The following AGO2 variants were observed in gnomAD, a reference collection of about 807,000 sequenced individuals.
AGO2 encodes protein argonaute-2.
Under a neutral mutation model 102.3 loss-of-function variants are expected in AGO2, and 5 were observed. That is an observed-to-expected ratio of 0.05 (90% CI 0.03 to 0.10). AGO2 has a LOEUF of 0.10. AGO2 is among the 10% of genes least tolerant of loss of function. The probability of loss-of-function intolerance (pLI) is 1.00; values close to 1 mark genes in which losing one functional copy is unlikely to be tolerated. For synonymous variants in AGO2, 449 were observed against 473.1 expected, an observed-to-expected ratio of 0.95 and a Z score of 0.66; for missense variants, 541 against 1,183.7, an observed-to-expected ratio of 0.46 and a Z score of 7.97.
At chr8:140,603,622 G>A (rs184841791) in intron 1 of AGO2, among the ~76,000 whole-genome samples, 272 of 152,296 alleles carry the variant, frequency 1.8e-3, no homozygotes, top group African/African-American at 6.0e-3. Context: ...GTGGAGCCAC[G>A]CACGTGACCC....
upstream of AGO2, among the ~76,000 whole-genome samples, chr8:140,635,934 G>T (rs531167017): frequency 6.7e-6 from 1 of 149,068 alleles, no homozygotes; most frequent in Non-Finnish European, 1.5e-5. Flanking sequence ...TGGCGCGGGG[G>T]CGGGCGCGGC....
In AGO2 at chr8:140,566,621, G is replaced by GC. The variant is rs1340100504; in HGVS notation, c.337-3988_337-3987insG. ...TACTTTCTTTTTTTTTTTTTTTTGG[G>GC]GGGGGGGAAGGTGTCCCGCTCTCAG... is the stretch of plus-strand genomic sequence containing the variant. On this transcript the variant is annotated intron_variant, in intron 3 of 18. Transcript: ENST00000220592. Among the ~76,000 whole-genome samples the GC allele has an allele frequency of 3.4e-5, 5 of 148,178 alleles. No homozygotes were observed. In the East Asian group the frequency reaches 6.0e-4, roughly 18 times the overall value.
chr8:140,583,733 GGT>G (rs1394395857), intron 2 of AGO2, among the ~76,000 whole-genome samples: 1 of 152,188 alleles, frequency 6.6e-6, no homozygotes, highest in Non-Finnish European at 1.5e-5. Flanking sequence ...AAATTAGCCA[GGT>G]GTGGTGGCAG....
chr8:140,556,407 G>T, intron 8 of AGO2, 121 bp from the exon 9 acceptor site: 1 of 1,274,006 alleles, frequency 7.8e-7, no homozygotes, highest in Non-Finnish European at 1.1e-6. Flanking sequence ...TCATCCCTGG[G>T]CTATGAAGTG....
rs998550857 is a variant in AGO2, at chr8:140,523,138, A to G, written c.*8906T>C. ...CAAAACAGCACTGCATGGTTTCTAT[A>G]TTGCAAGCACAAGACATGGTCACAT... On this transcript the variant is annotated 3_prime_UTR_variant, in exon 19 of 19. Coordinates refer to ENST00000220592, the MANE Select transcript of AGO2 (RefSeq NM_012154.5). 5 of 152,244 alleles carry G rather than the reference A, an allele frequency of 3.3e-5. No homozygotes were observed. Among genetic ancestry groups the G allele is most frequent in the African/African-American group, 1.2e-4 (5 of 41,458 alleles). The allele number at this position is 152,244 out of a possible 1,614,324, so 9.4% of individuals were successfully genotyped here. A position where few individuals can be genotyped will look rare whatever the true frequency, so the allele number is the denominator to read the frequency against.
Position 140,527,514 on chromosome 8 carries a change from G to A in AGO2, c.*4530C>T, listed in dbSNP as rs1384407892. On this transcript the variant is annotated 3_prime_UTR_variant, in exon 19 of 19. Coordinates refer to ENST00000220592, the MANE Select transcript of AGO2 (RefSeq NM_012154.5). This position sits in a 1 kb window ranked among gnomAD's most constrained non-coding sequence, Gnocchi z 6.0. ...TCCTCATAAAAAAGAGTCAGCGTGT[G>A]TGTGTGTAACAGGGGCACCCCCATG... 6.5e-6 allele frequency: 1 copy of A among 153,242 alleles called. No homozygotes were observed. The highest frequency in any genetic ancestry group is 1.5e-5 in the Non-Finnish European group (1 of 68,056). 9.5% of individuals were successfully genotyped at this position (153,242 alleles called of 1,614,324 possible).
intron 3 of AGO2, 83 bp downstream of exon 3, chr8:140,572,729 G>T (rs1276523741): frequency 6.5e-7 from 1 of 1,531,586 alleles, no homozygotes; most frequent in South Asian, 1.3e-5. Context: ...TCGTGTATGA[G>T]AACAGGCATG....
Position 140,556,272 on chromosome 8 carries a change from C to T in AGO2, c.1041G>A (p.Val347=). 1 of 1,614,156 alleles carries T rather than the reference C, an allele frequency of 6.2e-7. No individual in the cohort carries two copies. Among genetic ancestry groups the T allele is most frequent in the Non-Finnish European group, 8.5e-7 (1 of 1,180,038 alleles). The change falls in exon 9 of 19, where the codon GTG becomes GTA. Residue 347 remains valine (V), a synonymous_variant. Transcript: ENST00000220592. ...ATTTTTTAATACATCTTTGTCCTGC[C>T]ACAATGTTACAGACCTGTGAAGAGG... ...TYLPLEVCNI[V]AGQRCIKKLT... is the part of the protein sequence containing the mutation.
Position 140,541,309 on chromosome 8 carries a change from C to T in AGO2, c.1889G>A (p.Arg630His), listed in dbSNP as rs1205353566. ...AHPNRYCATV[R>H]VQQHRQEIIQ... is the part of the protein sequence containing the mutation. Reference sequence around the variant, plus strand: ...GATCTCCTGCCGGTGCTGCTGCACGCGCACGGTGGCGCAGTAGCGATTGGG... The same window carrying T: ...GATCTCCTGCCGGTGCTGCTGCACGTGCACGGTGGCGCAGTAGCGATTGGG... Residue 630 changes from arginine (R) to histidine (H), a missense_variant, in exon 15 of 19, where the codon CGC becomes CAC. Arg to His is a conservative substitution (Grantham distance 29). Coordinates refer to ENST00000220592, the MANE Select transcript of AGO2 (RefSeq NM_012154.5). 4.3e-6 allele frequency: 7 copies of T among 1,612,800 alleles called. No individual in the cohort carries two copies. Among genetic ancestry groups the T allele is most frequent in the South Asian group, 2.2e-5 (2 of 90,952 alleles).
intron 1 of AGO2, among the ~76,000 whole-genome samples, chr8:140,608,745 C>T (rs964564651): frequency 2.0e-5 from 3 of 152,256 alleles, no homozygotes; most frequent in Admixed American, 6.5e-5. Flanking sequence ...AAACGTCCTG[C>T]ATCAGACGAA....
Position 140,578,128 on chromosome 8 carries a change from A to AGG in AGO2, c.216-5198_216-5197dup, listed in dbSNP as rs541081245. 5.9e-5 allele frequency among the ~76,000 whole-genome samples: 9 copies of AGG among 152,238 alleles called. 1 individual carries two copies. Among genetic ancestry groups the AGG allele is most frequent in the African/African-American group, 2.2e-4 (9 of 41,550 alleles). Reference sequence around the variant, plus strand: ...CCCCATGCCTCGGGGCCCAGTGCCGAGGGTGAGGAGGGGCCGATCTTGTGT... The same window carrying AGG: ...CCCCATGCCTCGGGGCCCAGTGCCGAGGGGGTGAGGAGGGGCCGATCTTGTGT... On this transcript the variant is annotated intron_variant, in intron 2 of 18. Transcript: ENST00000220592.
chr8:140,568,368 G>A (rs2073325628), intron 3 of AGO2, among the ~76,000 whole-genome samples: 1 of 151,892 alleles, frequency 6.6e-6, no homozygotes, highest in African/African-American at 2.4e-5. Context: ...CCTTTCAAAA[G>A]GCTGTTCCTG....
chr8:140,616,839 T>C (rs544884231), intron 1 of AGO2, among the ~76,000 whole-genome samples: 2 of 152,252 alleles, frequency 1.3e-5, no homozygotes, highest in South Asian at 4.1e-4. Context: ...TGAGCACAGG[T>C]GGATTTACAA....
intron 1 of AGO2, among the ~76,000 whole-genome samples, chr8:140,595,992 ATTAT>A (rs1397010301): frequency 8.0e-6 from 1 of 125,596 alleles, no homozygotes; most frequent in Non-Finnish European, 1.6e-5. Flanking sequence ...TAATATATAT[ATTAT>A]ATATATATAC....
chr8:140,522,221 A>G lies in AGO2; in HGVS notation c.*9823T>C, dbSNP rs1436245035. 1.3e-5 allele frequency: 2 copies of G among 152,206 alleles called. No homozygotes were observed. The highest frequency in any genetic ancestry group is 3.8e-4 in the East Asian group (2 of 5,198). 9.4% of individuals were successfully genotyped at this position (152,206 alleles called of 1,614,324 possible). ...ATATCATTAAATAAACGGAAATTAC[A>G]ATTTCAAGTTTCATGTGGAGTTGTA... On this transcript the variant is annotated 3_prime_UTR_variant, in exon 19 of 19. Transcript: ENST00000220592.
In AGO2 at chr8:140,608,066, T is replaced by C. The variant is rs139732438; in HGVS notation, c.23-22755A>G. On this transcript the variant is annotated intron_variant, in intron 1 of 18. Transcript: ENST00000220592. ...GTGAAGAACACATTGAATGAATGAA[T>C]TCTCAGCAACAACAGGTTCTTTAGA... 3.8e-3 allele frequency among the ~76,000 whole-genome samples: 582 copies of C among 152,298 alleles called. 8 individuals are homozygous for C. The highest frequency in any genetic ancestry group is 0.013 in the African/African-American group (553 of 41,544).
intron 2 of AGO2, among the ~76,000 whole-genome samples, chr8:140,580,003 G>GAGCCCGCCTCCTCCTCGC (rs2073530095): frequency 6.6e-6 from 1 of 151,858 alleles, no homozygotes; most frequent in South Asian, 2.1e-4. Context: ...GAAGGGAGAG[G>GAGCCCGCCTCCTCCTCGC]AGCCCACCTC....
At chr8:140,596,578 C>T (rs2073847136) in intron 1 of AGO2, among the ~76,000 whole-genome samples, 1 of 152,218 alleles carries the variant, frequency 6.6e-6, no homozygotes, top group Non-Finnish European at 1.5e-5. Flanking sequence ...AGCAAAACTC[C>T]ATCTCAAACA....
At chr8:140,613,015 C>T (rs552871423) in intron 1 of AGO2, among the ~76,000 whole-genome samples, 7 of 152,036 alleles carry the variant, frequency 4.6e-5, no homozygotes, top group Non-Finnish European at 5.9e-5. Flanking sequence ...CTGGCTAACA[C>T]GGTGAAACCC....
Sources: gnomAD v4.1 joint callset for allele counts (sites outside exome capture counted in the v4.1 genomes callset) on GRCh38, gnomAD v4.1.1 for gene constraint, Gnocchi (gnomAD v3.1) non-coding constraint, MANE v1.5 for transcripts, NCBI Gene and HGNC (gene_info 2026-07-23, HGNC 2026-07-21) for gene names.